Variants in KPNA7 observed in about 807,000 individuals in gnomAD.
The protein encoded by KPNA7 is importin subunit alpha-8.
KPNA7 carries 54 observed loss-of-function variants against 53.7 expected under a neutral mutation model. The ratio of observed to expected loss-of-function variants is 1.01; its 90% CI spans 0.81 to 1.26. The LOEUF is 1.26. Among genes scored for constraint, KPNA7 ranks in the 50% most tolerant of loss-of-function variants. The pLI, the probability that KPNA7 is intolerant of heterozygous loss-of-function variation, is 0.00. For missense variants in KPNA7, 640 were observed against 644.5 expected, an observed-to-expected ratio of 0.99 and a Z score of 0.07; for synonymous variants, 276 against 259.3, an observed-to-expected ratio of 1.06 and a Z score of -0.62.
chr7:99,150,364 G>T, the KPNA7 span, among the ~76,000 whole-genome samples: 1 of 151,540 alleles, frequency 6.6e-6, no homozygotes, highest in Non-Finnish European at 1.5e-5. Context: ...CCCCTAAAGT[G>T]CTGGGATTAC....
intron 10 of KPNA7, among the ~76,000 whole-genome samples, chr7:99,177,628 C>G (rs943574054): frequency 6.7e-6 from 1 of 149,746 alleles, no homozygotes; most frequent in African/African-American, 2.5e-5. Flanking sequence ...CTCTCCCCTG[C>G]CATACCTCTC....
chr7:99,170,007 A>T (rs1798743133), downstream of KPNA7, among the ~76,000 whole-genome samples: 1 of 151,974 alleles, frequency 6.6e-6, no homozygotes, highest in Non-Finnish European at 1.5e-5. Flanking sequence ...GTGCCACTGT[A>T]CTCCAGCCTG....
intron 6 of KPNA7, among the ~76,000 whole-genome samples, chr7:99,192,038 A>G (rs1395401015): frequency 1.3e-5 from 2 of 152,158 alleles, no homozygotes; most frequent in Non-Finnish European, 2.9e-5. Flanking sequence ...GTCCTCTTCA[A>G]TCAATAACCA....
chr7:99,185,874 C>A (rs1323310659), intron 7 of KPNA7, among the ~76,000 whole-genome samples: 1 of 152,096 alleles, frequency 6.6e-6, no homozygotes, highest in Non-Finnish European at 1.5e-5. Flanking sequence ...GTCACTGCAA[C>A]CTCTGCCTCC....
At chr7:99,146,375 G>A in the KPNA7 span, among the ~76,000 whole-genome samples, 1 of 152,186 alleles carries the variant, frequency 6.6e-6, no homozygotes, top group African/African-American at 2.4e-5. Flanking sequence ...GTACAATGGG[G>A]TTACATTCTG....
chr7:99,212,924 T>C (rs1398579732), upstream of KPNA7, among the ~76,000 whole-genome samples: 2 of 151,908 alleles, frequency 1.3e-5, no homozygotes, highest in Admixed American at 1.3e-4. Flanking sequence ...AAATCATTGC[T>C]ATTGATCACA....
chr7:99,198,094 T>G (rs1172567188), intron 3 of KPNA7, among the ~76,000 whole-genome samples: 2 of 152,130 alleles, frequency 1.3e-5, no homozygotes, highest in Non-Finnish European at 2.9e-5. Flanking sequence ...GCAATTCATG[T>G]ACAAAGCCTC....
chr7:99,161,991 A>AGT, the KPNA7 span, among the ~76,000 whole-genome samples: 1 of 152,110 alleles, frequency 6.6e-6, no homozygotes. Flanking sequence ...TTTCAGGAAA[A>AGT]AACAGCAGAT....
chr7:99,187,799 T>TAAA (rs55867906), intron 7 of KPNA7, among the ~76,000 whole-genome samples: 1 of 65,102 alleles, frequency 1.5e-5, no homozygotes, highest in African/African-American at 8.1e-5. Context: ...CCTTTTTTTT[T>TAAA]AAAAAAAAAA....
chr7:99,207,659 A>G (rs937075817), intron 1 of KPNA7, among the ~76,000 whole-genome samples, 170 bp from the exon 2 acceptor site: 1 of 94,942 alleles, frequency 1.1e-5, no homozygotes, highest in East Asian at 3.7e-4. Flanking sequence ...TTTTTGAGAC[A>G]GAGTCTCGCT....
upstream of KPNA7, among the ~76,000 whole-genome samples, chr7:99,208,842 G>A (rs1790952319): frequency 6.6e-6 from 1 of 152,160 alleles, no homozygotes; most frequent in African/African-American, 2.4e-5. Context: ...AGGCAGATGG[G>A]CTGGTTGTCA....
chr7:99,160,017 GTTTTTTTT>G, the KPNA7 span, among the ~76,000 whole-genome samples: 1 of 67,662 alleles, frequency 1.5e-5, no homozygotes, highest in Non-Finnish European at 2.8e-5. Flanking sequence ...TGTTGTTTTT[GTTTTTTTT>G]TTTTTTTTTT....
rs372168467 is a variant in KPNA7 at position 99,195,199 on chromosome 7, C to T, written c.424G>A (p.Ala142Thr). ...FEAAWALTNI[A>T]SGTSEQTRAV... ...CGAGTCTGCTCCGAAGTCCCTGAAGCGATGTTGGTCAGGGCCCAGGCAGCC... is the reference window on the plus strand; with the variant it reads ...CGAGTCTGCTCCGAAGTCCCTGAAGTGATGTTGGTCAGGGCCCAGGCAGCC... The change falls in exon 5 of 11, where the codon GCT becomes ACT. Residue 142 changes from alanine (A) to threonine (T), a missense_variant. By Grantham distance (58) the Ala-to-Thr change is moderately conservative (BLOSUM62 0). Coordinates refer to ENST00000327442, the MANE Select transcript of KPNA7 (RefSeq NM_001145715.3). 5.2e-5 allele frequency: 80 copies of T among 1,551,438 alleles called. No individual in the cohort carries two copies. The highest frequency in any genetic ancestry group is 8.2e-5 in the African/African-American group (6 of 72,964).
At chr7:99,163,383 ATT>A in the KPNA7 span, among the ~76,000 whole-genome samples, 224 of 40,770 alleles carry the variant, frequency 5.5e-3, 2 homozygotes, top group African/African-American at 0.02. Context: ...ATATATATAT[ATT>A]TTTTTTTTTT....
chr7:99,182,033 C>T lies in KPNA7; in HGVS notation c.1167G>A (p.Trp389Ter). The T allele has an allele frequency of 1.3e-6, 2 of 1,545,008 alleles. No individual in the cohort carries two copies. Among genetic ancestry groups the T allele is most frequent in the Non-Finnish European group, 1.8e-6 (2 of 1,141,882 alleles). Reference sequence around the variant, plus strand: ...CCCCTGTTGCAAAGTTCGCCACCATCCAGACAGCCTCTTTCTGGACTTTAA... The same window carrying T: ...CCCCTGTTGCAAAGTTCGCCACCATTCAGACAGCCTCTTTCTGGACTTTAA... ...GEFKVQKEAV[W>*]MVANFATGAT... The change falls in exon 9 of 11, where the codon TGG (tryptophan) becomes TGA (stop). Residue 389 changes from tryptophan to a stop codon, truncating the protein, a stop_gained. Transcript: ENST00000327442. LOFTEE classifies it high-confidence loss of function.
At chr7:99,207,537 G>T (rs1055152628) in intron 1 of KPNA7, 48 bp from the exon 2 acceptor site, 29 of 914,500 alleles carry the variant, frequency 3.2e-5, no homozygotes, top group Non-Finnish European at 4.9e-5. Context: ...CATTGTGTGG[G>T]TTATTATGTC....
At chr7:99,152,567 T>C in the KPNA7 span, among the ~76,000 whole-genome samples, 11 of 152,182 alleles carry the variant, frequency 7.2e-5, no homozygotes, top group Non-Finnish European at 4.4e-5. Context: ...CTAGACAGTT[T>C]CTAAAGAGAT....
chr7:99,147,530 C>A, the KPNA7 span, among the ~76,000 whole-genome samples: 2 of 152,252 alleles, frequency 1.3e-5, no homozygotes, highest in Admixed American at 6.5e-5. Flanking sequence ...GTGGCTCACG[C>A]CTGTAATCCC....
intron 8 of KPNA7, among the ~76,000 whole-genome samples, chr7:99,184,599 C>T (rs1789480879): frequency 6.6e-6 from 1 of 152,166 alleles, no homozygotes; most frequent in Non-Finnish European, 1.5e-5. Context: ...AAGCTCCACC[C>T]TCTTTTGGTA....
Sources: allele counts gnomAD v4.1 joint callset (sites outside exome capture counted in the v4.1 genomes callset), GRCh38; gene constraint gnomAD v4.1.1; transcripts MANE v1.5; gene names NCBI Gene and HGNC (gene_info 2026-07-23, HGNC 2026-07-21).